The following TPST1 variants were observed in gnomAD, a reference collection of about 807,000 sequenced individuals.
TPST1 encodes the protein tyrosylprotein sulfotransferase 1.
A neutral mutation model predicts 34.8 loss-of-function variants in TPST1; 20 were observed. The observed-to-expected ratio is 0.57, with a 90% CI of 0.40 to 0.84. TPST1 has a LOEUF of 0.84. Ranked by LOEUF, TPST1 falls within the 40% of genes least tolerant of loss-of-function variation. The pLI, the probability that TPST1 is intolerant of heterozygous loss-of-function variation, is 0.00. For missense variants in TPST1, 353 were observed against 455.5 expected, an observed-to-expected ratio of 0.78 and a Z score of 2.05; for synonymous variants, 152 against 159.4, an observed-to-expected ratio of 0.95 and a Z score of 0.35.
chr7:66,216,103 C>A (rs553975850), intron 1 of TPST1, among the ~76,000 whole-genome samples: 38 of 152,242 alleles, frequency 2.5e-4, no homozygotes, highest in Non-Finnish European at 1.5e-5. Context: ...TTAAATTACT[C>A]TTTCACTTGC....
chr7:66,324,813 A>AT (rs1791829199), intron 3 of TPST1, among the ~76,000 whole-genome samples: 1 of 72,746 alleles, frequency 1.4e-5, no homozygotes, highest in Non-Finnish European at 2.9e-5. Context: ...AAAAAAAAAA[A>AT]AAAAAAAAAA....
At chr7:66,298,492 A>T (rs919598578) in intron 3 of TPST1, among the ~76,000 whole-genome samples, 14 of 152,020 alleles carry the variant, frequency 9.2e-5, no homozygotes, top group Non-Finnish European at 1.6e-4. Context: ...TATTTTCCCG[A>T]TTCTTTTACT....
intron 3 of TPST1, among the ~76,000 whole-genome samples, chr7:66,340,684 A>G (rs1792219121): frequency 6.6e-6 from 1 of 152,240 alleles, no homozygotes; most frequent in African/African-American, 2.4e-5. Context: ...ACTTAACCAA[A>G]TAAGTGAAGA....
intron 1 of TPST1, among the ~76,000 whole-genome samples, chr7:66,218,032 A>T (rs1390949056): frequency 1.3e-5 from 2 of 151,896 alleles, no homozygotes; most frequent in Non-Finnish European, 2.9e-5. Flanking sequence ...GGCACCCACC[A>T]CCATGCCCAG....
At chr7:66,306,016 C>T (rs756481446) in intron 3 of TPST1, among the ~76,000 whole-genome samples, 8 of 152,160 alleles carry the variant, frequency 5.3e-5, no homozygotes, top group Non-Finnish European at 1.2e-4. Flanking sequence ...ATTCCCTCCA[C>T]CTGAATGTGG....
intron 2 of TPST1, among the ~76,000 whole-genome samples, chr7:66,243,844 T>C (rs1374949658): frequency 6.6e-6 from 1 of 152,048 alleles, no homozygotes; most frequent in Non-Finnish European, 1.5e-5. Flanking sequence ...AGTGCCAAGT[T>C]GTAAATATCC....
In TPST1 at chr7:66,268,676, G is replaced by C. The variant is rs78211134; in HGVS notation, c.846-17835G>C. On this transcript the variant is annotated intron_variant, in intron 2 of 5. Coordinates refer to ENST00000304842, the MANE Select transcript of TPST1 (RefSeq NM_003596.4). ...AGTGAATATGTATCATAAAGGATGA[G>C]GAAAGAGAAATAATCACAACTGTAA... 3.6e-3 allele frequency among the ~76,000 whole-genome samples: 549 copies of C among 152,048 alleles called. 6 individuals are homozygous for C. Among genetic ancestry groups the C allele is most frequent in the African/African-American group, 0.013 (527 of 41,522 alleles).
chr7:66,270,254 A>T lies in TPST1; in HGVS notation c.846-16257A>T, dbSNP rs778369628. Reference sequence around the variant, plus strand: ...GTAGAGTGAACAAGGGAGTGTGTGAAGGTCAGGTTATTTTATGTGGGACCT... The same window carrying T: ...GTAGAGTGAACAAGGGAGTGTGTGATGGTCAGGTTATTTTATGTGGGACCT... On this transcript the variant is annotated intron_variant, in intron 2 of 5. Coordinates refer to ENST00000304842, the MANE Select transcript of TPST1 (RefSeq NM_003596.4). Among the ~76,000 whole-genome samples, 117 of 152,204 alleles carry T rather than the reference A, an allele frequency of 7.7e-4. 2 individuals carry two copies. Among genetic ancestry groups the T allele is most frequent in the Non-Finnish European group, 4.0e-4 (27 of 68,026 alleles).
chr7:66,242,867 T>C (rs1790065390), intron 2 of TPST1, among the ~76,000 whole-genome samples: 2 of 152,212 alleles, frequency 1.3e-5, no homozygotes, highest in African/African-American at 4.8e-5. Flanking sequence ...AATTATATTA[T>C]GAATTAATGA....
intron 3 of TPST1, among the ~76,000 whole-genome samples, chr7:66,314,744 G>A (rs1042549974): frequency 6.6e-6 from 1 of 152,202 alleles, no homozygotes; most frequent in Non-Finnish European, 1.5e-5. Context: ...CTACAAAACT[G>A]TACAGCTTGT....
intron 2 of TPST1, among the ~76,000 whole-genome samples, 159 bp downstream of exon 2, chr7:66,241,429 G>A (rs1343848071): frequency 6.6e-6 from 1 of 152,006 alleles, no homozygotes; most frequent in African/African-American, 2.4e-5. Flanking sequence ...TCATTGATGA[G>A]GTTTCTTTTT....
At chr7:66,301,467 A>G (rs1791314677) in intron 3 of TPST1, among the ~76,000 whole-genome samples, 1 of 152,230 alleles carries the variant, frequency 6.6e-6, no homozygotes, top group Non-Finnish European at 1.5e-5. Context: ...TATTTGATGG[A>G]AGAGGCCTGG....
intron 2 of TPST1, among the ~76,000 whole-genome samples, chr7:66,278,476 G>A (rs1374184027): frequency 1.3e-5 from 2 of 152,024 alleles, no homozygotes; most frequent in African/African-American, 4.8e-5. Flanking sequence ...TCCCATGACA[G>A]CATGAGGTAA....
intron 3 of TPST1, among the ~76,000 whole-genome samples, chr7:66,298,566 T>A (rs909365709): frequency 6.6e-6 from 1 of 152,232 alleles, no homozygotes; most frequent in Non-Finnish European, 1.5e-5. Context: ...CTCTGCCTTT[T>A]AAATGGAGAG....
rs138187307 is a variant in TPST1, at chr7:66,276,410, G to T, written c.846-10101G>T. Among the ~76,000 whole-genome samples, 109 of 99,122 alleles carry T rather than the reference G, an allele frequency of 1.1e-3. 1 individual carries two copies. In the South Asian group the frequency reaches 0.015, roughly 14 times the overall value. 65.0% of individuals were successfully genotyped at this position (99,122 alleles called of 152,430 possible). A position where few individuals can be genotyped will look rare whatever the true frequency, so the allele number is the denominator to read the frequency against. Reference sequence around the variant, plus strand: ...TTTTTTTGAGGCAGAGCCTCACTTTGTCTCCCAGGCTGGAGTGCAGTGGTG... The same window carrying T: ...TTTTTTTGAGGCAGAGCCTCACTTTTTCTCCCAGGCTGGAGTGCAGTGGTG... On this transcript the variant is annotated intron_variant, in intron 2 of 5. Transcript: ENST00000304842.
chr7:66,314,198 G>C (rs116773913), intron 3 of TPST1, among the ~76,000 whole-genome samples: 4 of 151,992 alleles, frequency 2.6e-5, no homozygotes, highest in Non-Finnish European at 4.4e-5. Flanking sequence ...GTGTTTTTTC[G>C]GTGTCTCCAC....
At chr7:66,271,335 C>T (rs113570850) in intron 2 of TPST1, among the ~76,000 whole-genome samples, 8,779 of 152,240 alleles carry the variant, frequency 0.058, 343 homozygotes, top group Non-Finnish European at 0.083. Flanking sequence ...CCCGCCGCCA[C>T]GCCCGGCTAA....
At chr7:66,203,182 T>C (rs986194703), upstream of TPST1, among the ~76,000 whole-genome samples, 4 of 151,548 alleles carry the variant, frequency 2.6e-5, no homozygotes, top group African/African-American at 7.3e-5. Flanking sequence ...CACACATATA[T>C]ACACACACAC....
chr7:66,212,609 G>A (rs1485523807), intron 1 of TPST1, among the ~76,000 whole-genome samples: 1 of 151,650 alleles, frequency 6.6e-6, no homozygotes, highest in Non-Finnish European at 1.5e-5. Flanking sequence ...ACAGGCTCCC[G>A]CTACCAGGCC....
Sources: allele counts gnomAD v4.1 joint callset (sites outside exome capture counted in the v4.1 genomes callset), GRCh38; gene constraint gnomAD v4.1.1; transcripts MANE v1.5; gene names NCBI Gene and HGNC (gene_info 2026-07-23, HGNC 2026-07-21).